The following ATP8A2 variants were observed in gnomAD, a reference collection of about 807,000 sequenced individuals.
The protein encoded by ATP8A2 is ATPase phospholipid transporting 8A2, also known as phospholipid-transporting ATPase IB.
ATP8A2 carries 100 observed loss-of-function variants against 165.6 expected under a neutral mutation model. The observed-to-expected ratio is 0.60, with a 90% CI of 0.51 to 0.71. The LOEUF (loss-of-function observed/expected upper bound fraction) is 0.71, where lower values mean the gene tolerates loss of function less well. ATP8A2 is among the 30% of genes least tolerant of loss of function. The pLI is 0.00. For missense variants in ATP8A2, 1,227 were observed against 1,479.5 expected (o/e 0.83, Z 2.80); for synonymous variants, 543 against 548.8 (o/e 0.99, Z 0.15).
chr13:25,976,561 T>C (rs765145264), intron 35 of ATP8A2, among the ~76,000 whole-genome samples: 1 of 142,468 alleles, frequency 7.0e-6, no homozygotes. Context: ...TAGCATGGTC[T>C]GATGAAAAGG....
chr13:25,810,846 T>C (rs217892), intron 27 of ATP8A2, among the ~76,000 whole-genome samples: 150,521 of 152,288 alleles, frequency 0.99, 74,405 homozygotes, highest in East Asian at 1. Flanking sequence ...AGTTTTTGAA[T>C]GGTTATTGGT....
At chr13:25,951,398 A>C (rs947431231) in intron 33 of ATP8A2, among the ~76,000 whole-genome samples, 1 of 152,226 alleles carries the variant, frequency 6.6e-6, no homozygotes, top group Non-Finnish European at 1.5e-5. Flanking sequence ...ACAGAACTGT[A>C]CTCTGTCATT....
At chr13:25,927,599 T>C (rs959515552) in intron 33 of ATP8A2, among the ~76,000 whole-genome samples, 2 of 152,242 alleles carry the variant, frequency 1.3e-5, no homozygotes, top group African/African-American at 4.8e-5. Flanking sequence ...ATTCATACGG[T>C]CTTATCAAAG....
chr13:25,839,304 G>GT (rs1415204138), intron 29 of ATP8A2, among the ~76,000 whole-genome samples: 3 of 152,060 alleles, frequency 2.0e-5, no homozygotes, highest in Non-Finnish European at 4.4e-5. Context: ...ATACATGTGA[G>GT]TAGATATTTA....
At chr13:25,376,767 T>C (rs529985244) in intron 1 of ATP8A2, among the ~76,000 whole-genome samples, 6 of 152,358 alleles carry the variant, frequency 3.9e-5, no homozygotes, top group Middle Eastern at 3.4e-3. Flanking sequence ...GTTATTATTT[T>C]CCTTTCTAAA....
intron 1 of ATP8A2, among the ~76,000 whole-genome samples, chr13:25,452,121 G>A (rs1317623339): frequency 6.6e-6 from 1 of 152,158 alleles, no homozygotes; most frequent in East Asian, 1.9e-4. Context: ...CCAAAGTGCT[G>A]GGATTACAGG....
intron 2 of ATP8A2, among the ~76,000 whole-genome samples, chr13:25,511,422 A>C (rs1006108287): frequency 6.6e-6 from 1 of 152,164 alleles, no homozygotes; most frequent in Non-Finnish European, 1.5e-5. Flanking sequence ...GTCATCCCAG[A>C]ACTTTCTCAC....
In ATP8A2 at chr13:25,566,236, A is replaced by T. The variant is rs562043852; in HGVS notation, c.1473+2205A>T. On this transcript the variant is annotated intron_variant, in intron 16 of 36. Coordinates refer to ENST00000381655, the MANE Select transcript of ATP8A2 (RefSeq NM_016529.6). ...ATGAAGTGGTCCAAGCCCACAGAGG[A>T]TGCTGCTGGAGTCTATGTTCTGTTT... Among the ~76,000 whole-genome samples, 6 of 152,202 alleles carry T rather than the reference A, an allele frequency of 3.9e-5. No homozygotes were observed. The East Asian group carries it at 9.7e-4, about 25-fold the overall frequency.
At chr13:25,732,320 T>G (rs554436603) in intron 25 of ATP8A2, among the ~76,000 whole-genome samples, 1 of 152,308 alleles carries the variant, frequency 6.6e-6, no homozygotes, top group Non-Finnish European at 1.5e-5. Context: ...TGTGGCCACG[T>G]AGCAATGAGG....
intron 1 of ATP8A2, among the ~76,000 whole-genome samples, chr13:25,388,585 G>A (rs1227641998): frequency 6.6e-6 from 1 of 152,176 alleles, no homozygotes. Context: ...TTTTCGCAGT[G>A]CTTTTCTATA....
chr13:25,403,276 C>G (rs1420116726), intron 1 of ATP8A2, among the ~76,000 whole-genome samples: 5 of 152,162 alleles, frequency 3.3e-5, no homozygotes, highest in South Asian at 4.1e-4. Context: ...ATCTTCCCTG[C>G]CTCCATTACT....
intron 21 of ATP8A2, 49 bp downstream of exon 21, chr13:25,578,948 C>A: frequency 8.2e-7 from 1 of 1,219,314 alleles, no homozygotes; most frequent in Non-Finnish European, 1.2e-6. Flanking sequence ...GCTGTACTTT[C>A]AAGCATGTTG....
chr13:25,935,118 T>A (rs1013276933), intron 33 of ATP8A2, among the ~76,000 whole-genome samples: 1 of 152,258 alleles, frequency 6.6e-6, no homozygotes, highest in Non-Finnish European at 1.5e-5. Flanking sequence ...GTTTTACAAA[T>A]GAGTAAACTC....
chr13:25,806,347 C>T (rs999248419), intron 27 of ATP8A2, among the ~76,000 whole-genome samples: 1 of 152,046 alleles, frequency 6.6e-6, no homozygotes, highest in African/African-American at 2.4e-5. Context: ...TTTTGGCCCT[C>T]TGGCTTCAAA....
intron 33 of ATP8A2, among the ~76,000 whole-genome samples, chr13:25,930,948 T>A (rs1402242356): frequency 6.6e-6 from 1 of 152,184 alleles, no homozygotes; most frequent in Admixed American, 6.5e-5. Context: ...CTCCCTCCTG[T>A]TGCTATTTTA....
chr13:25,947,551 C>A (rs1187210610), intron 33 of ATP8A2, among the ~76,000 whole-genome samples: 1 of 152,146 alleles, frequency 6.6e-6, no homozygotes, highest in Non-Finnish European at 1.5e-5. Flanking sequence ...AGAGGGTCTC[C>A]AGGACTTCCA....
intron 35 of ATP8A2, among the ~76,000 whole-genome samples, chr13:25,974,659 A>T (rs1255848619): frequency 6.6e-6 from 1 of 152,028 alleles, no homozygotes; most frequent in African/African-American, 2.4e-5. Context: ...TGTAACGTCT[A>T]TGCCGGTCCT....
chr13:25,925,253 G>A (rs566424737), intron 33 of ATP8A2, among the ~76,000 whole-genome samples: 2 of 152,160 alleles, frequency 1.3e-5, no homozygotes, highest in Non-Finnish European at 2.9e-5. Context: ...TTAGGTGGGG[G>A]CAGGGCGCTG....
intron 24 of ATP8A2, among the ~76,000 whole-genome samples, chr13:25,606,429 A>AGTTGGAAC (rs2040518903): frequency 6.6e-6 from 1 of 152,230 alleles, no homozygotes; most frequent in Admixed American, 6.5e-5. Context: ...CTACTCTATA[A>AGTTGGAAC]GTTGGAACAT....
Sources: allele counts gnomAD v4.1 joint callset (sites outside exome capture counted in the v4.1 genomes callset), GRCh38; gene constraint gnomAD v4.1.1; transcripts MANE v1.5; gene names NCBI Gene and HGNC (gene_info 2026-07-23, HGNC 2026-07-21).